Variants in RIF1 observed in about 807,000 individuals in gnomAD.
RIF1 encodes telomere-associated protein RIF1.
Under a neutral mutation model 247.1 loss-of-function variants are expected in RIF1, and 45 were observed. The ratio of observed to expected loss-of-function variants is 0.18; its 90% CI spans 0.14 to 0.23. The LOEUF is 0.23. RIF1 is among the 10% of genes least tolerant of loss of function. The probability of loss-of-function intolerance (pLI) is 1.00; values close to 1 mark genes in which losing one functional copy is unlikely to be tolerated. For synonymous variants in RIF1, 1,087 were observed against 978.8 expected, an observed-to-expected ratio of 1.11 and a Z score of -2.06; for missense variants, 2,967 against 2,862.5, an observed-to-expected ratio of 1.04 and a Z score of -0.83.
intron 10 of RIF1, among the ~76,000 whole-genome samples, chr2:151,498,734 A>G (rs1575088436): frequency 6.6e-6 from 1 of 152,138 alleles, no homozygotes; most frequent in Non-Finnish European, 1.5e-5. Flanking sequence ...TCACATAGGG[A>G]TATTTGGGTT....
chr2:151,507,559 G>A (rs1191649048), intron 13 of RIF1, among the ~76,000 whole-genome samples: 2 of 152,158 alleles, frequency 1.3e-5, no homozygotes, highest in African/African-American at 2.4e-5. Flanking sequence ...AACAGCCATC[G>A]CTAAATCCCC....
chr2:151,443,738 G>A lies in RIF1; in HGVS notation c.1986+29G>A, dbSNP rs938182811. The A allele has an allele frequency of 1.2e-5, 16 of 1,382,500 alleles. No homozygotes were observed. In the African/African-American group the frequency reaches 1.5e-4, roughly 13 times the overall value. The allele number at this position is 1,382,500 out of a possible 1,614,324, so 85.6% of individuals were successfully genotyped here. ...TGAAATAAATCTGCTACGTATTTTG[G>A]ATAATAGACCTTTTTTTTTTGTTAG... On this transcript the variant is annotated intron_variant, in intron 18 of 35. Transcript: ENST00000444746.
At position 151,496,969 on chromosome 2, in the gene RIF1, ACTCT is replaced by A. The variant is rs752582527; in HGVS notation, c.*513+1647_*513+1650del. On this transcript the variant is annotated intron_variant and NMD_transcript_variant, in intron 10 of 13. Transcript: ENST00000454583. ...GCTAATATTTTCTTGATTGTGTTTG[ACTCT>A]CTCCATCTCAGGAGTGACAGGTAGA... 1 of 1,579,848 alleles carries A rather than the reference ACTCT, an allele frequency of 6.3e-7. No homozygotes were observed. The highest frequency in any genetic ancestry group is 8.6e-7 in the Non-Finnish European group (1 of 1,160,712).
chr2:151,415,105 T>C (rs1174985914), intron 4 of RIF1, among the ~76,000 whole-genome samples, 186 bp downstream of exon 4: 1 of 151,910 alleles, frequency 6.6e-6, no homozygotes, highest in African/African-American at 2.4e-5. Flanking sequence ...CCTAGCACTT[T>C]GGGAGGCCGA....
intron 3 of RIF1, among the ~76,000 whole-genome samples, chr2:151,412,032 AC>A: frequency 6.6e-6 from 1 of 152,354 alleles, no homozygotes; most frequent in East Asian, 1.9e-4. Context: ...TTCTAAAATT[AC>A]AATTGTCTTT....
chr2:151,506,826 A>G (rs746598121), intron 13 of RIF1: 65 of 890,510 alleles, frequency 7.3e-5, no homozygotes, highest in Non-Finnish European at 1.1e-4. Flanking sequence ...AATTGTGTGT[A>G]TCAATATAAG....
rs2070625590 is a variant in RIF1 at position 151,507,909 on chromosome 2, A to G, written c.*1208A>G. The G allele has an allele frequency of 4.8e-6, 4 of 826,436 alleles. No homozygotes were observed. In the Admixed American group the frequency reaches 8.2e-5, roughly 17 times the overall value. The allele number at this position is 826,436 out of a possible 1,614,324, so 51.2% of individuals were successfully genotyped here. A position where few individuals can be genotyped will look rare whatever the true frequency, so the allele number is the denominator to read the frequency against. On this transcript the variant is annotated 3_prime_UTR_variant and NMD_transcript_variant, in exon 14 of 14. Transcript: ENST00000454583. ...CAGGATGGGAGTTGTGGAGGGCTGCACAACAGCCCCACTGCAAGCCTGGGA... is the reference window on the plus strand; with the variant it reads ...CAGGATGGGAGTTGTGGAGGGCTGCGCAACAGCCCCACTGCAAGCCTGGGA...
At chr2:151,442,812 C>T (rs1193891227) in intron 16 of RIF1, among the ~76,000 whole-genome samples, 4 of 128,148 alleles carry the variant, frequency 3.1e-5, no homozygotes, top group Non-Finnish European at 6.2e-5. Flanking sequence ...CAGGCTGTTG[C>T]GCAGTCTGGA....
In RIF1 at chr2:151,491,750, A is replaced by G. The variant is rs781270392; in HGVS notation, c.*416-3479A>G. On this transcript the variant is annotated intron_variant and NMD_transcript_variant, in intron 9 of 13. Transcript: ENST00000454583. ...CTGGATCATAGTCAAAAACCGAACC[A>G]GGATTAGTACGCCAGACACGTAAAC... 3.1e-6 allele frequency: 5 copies of G among 1,594,532 alleles called. No homozygotes were observed. Among genetic ancestry groups the G allele is most frequent in the Admixed American group, 1.7e-5 (1 of 57,368 alleles).
chr2:151,519,170 G>A, the RIF1 span: 3 of 792,856 alleles, frequency 3.8e-6, no homozygotes, highest in Non-Finnish European at 6.5e-6. Flanking sequence ...AAATGCTGGA[G>A]ATGGTGATGA....
In RIF1 at chr2:151,462,887, G is replaced by C; in HGVS notation, c.3367G>C (p.Glu1123Gln). 1 of 1,590,304 alleles carries C rather than the reference G, an allele frequency of 6.3e-7. No individual in the cohort carries two copies. The highest frequency in any genetic ancestry group is 8.6e-7 in the Non-Finnish European group (1 of 1,169,006). Residue 1123 changes from glutamate to glutamine, a missense_variant, in exon 30 of 36, where the codon GAG becomes CAG. Around this residue, in one of 7 missense-constraint regions of RIF1, gnomAD observed 2,028 missense variants for 1,825.6 expected, o/e 1.11. Transcript: ENST00000444746. Reference protein sequence around the residue: ...KEDSKMMITEEQMDSDIVIPQ... With the variant: ...KEDSKMMITEQQMDSDIVIPQ... ...ATATGTATATATTTCTGTGCAGGAG[G>C]AGCAAATGGACAGTGACATTGTCAT...
chr2:151,435,116 T>C (rs1481764614), intron 10 of RIF1, among the ~76,000 whole-genome samples: 1 of 152,190 alleles, frequency 6.6e-6, no homozygotes, highest in Non-Finnish European at 1.5e-5. Flanking sequence ...ATTGGAATAA[T>C]TTATTTGGTA....
Position 151,446,444 on chromosome 2 carries a change from C to T in RIF1, c.2113C>T (p.Leu705Phe), listed in dbSNP as rs1264532898. Residue 705 changes from leucine (L) to phenylalanine (F), a missense_variant, in exon 20 of 36, where the codon CTT becomes TTT. Leu to Phe is a conservative substitution (Grantham distance 22). This residue lies in a region of RIF1 where 76 missense variants were observed against 113.3 expected (regional missense o/e 0.67). Coordinates refer to ENST00000444746, the MANE Select transcript of RIF1 (RefSeq NM_018151.5). ...RFPVATMKTLLRTWSELYRAF... is the reference protein window; with the variant it reads ...RFPVATMKTLFRTWSELYRAF... Reference sequence around the variant, plus strand: ...TTGGTAGGCCACCATGAAGACTTTGCTTAGAACTTGGTCAGAATTATATAG... The same window carrying T: ...TTGGTAGGCCACCATGAAGACTTTGTTTAGAACTTGGTCAGAATTATATAG... 2 of 1,614,042 alleles carry T rather than the reference C, an allele frequency of 1.2e-6. No individual in the cohort carries two copies. Among genetic ancestry groups the T allele is most frequent in the East Asian group, 4.5e-5 (2 of 44,876 alleles).
At chr2:151,459,958 A>G (rs375802933) in intron 25 of RIF1, 42 bp from the exon 26 acceptor site, 1 of 1,439,890 alleles carries the variant, frequency 6.9e-7, no homozygotes, top group Non-Finnish European at 9.4e-7. Context: ...GCAAAATATT[A>G]CCGTTCTATT....
rs2048877997 is a variant in RIF1 at position 151,475,356 on chromosome 2, A to G, written c.*285A>G. ...GAAAGCAAAACTAGTAACAGAACTT[A>G]CATTTTATTTCATGCTTTCTTAAAC... is the stretch of plus-strand genomic sequence containing the variant. On this transcript the variant is annotated 3_prime_UTR_variant, in exon 36 of 36. Coordinates refer to ENST00000444746, the MANE Select transcript of RIF1 (RefSeq NM_018151.5). 5.7e-6 allele frequency: 2 copies of G among 351,272 alleles called. No homozygotes were observed. The highest frequency in any genetic ancestry group is 8.4e-4 in the Middle Eastern group (1 of 1,196). 21.8% of individuals were successfully genotyped at this position (351,272 alleles called of 1,614,324 possible). A position where few individuals can be genotyped will look rare whatever the true frequency, so the allele number is the denominator to read the frequency against.
At position 151,492,432 on chromosome 2, in the gene RIF1, G is replaced by T. The variant is rs1231234319; in HGVS notation, c.*416-2797G>T. 6.2e-7 allele frequency: 1 copy of T among 1,612,380 alleles called. No individual in the cohort carries two copies. Among genetic ancestry groups the T allele is most frequent in the East Asian group, 2.2e-5 (1 of 44,850 alleles). ...TCTCCCTCACCCGTCTCATCTCGGGGGTATCCAATACATAGGCAGCTTTGC... is the reference window on the plus strand; with the variant it reads ...TCTCCCTCACCCGTCTCATCTCGGGTGTATCCAATACATAGGCAGCTTTGC... On this transcript the variant is annotated intron_variant and NMD_transcript_variant, in intron 9 of 13. Coordinates refer to the RIF1 transcript ENST00000454583.
the RIF1 span, chr2:151,525,355 G>A: frequency 9.8e-7 from 1 of 1,018,862 alleles, no homozygotes; most frequent in Non-Finnish European, 1.5e-6. Context: ...GAAATCTCCA[G>A]GAAAATCCAT....
chr2:151,467,856 G>A (rs1379795612), intron 30 of RIF1, 144 bp from the exon 31 acceptor site: 12 of 646,274 alleles, frequency 1.9e-5, no homozygotes, highest in Admixed American at 6.1e-5. Context: ...GAAGGCAGTC[G>A]CTAGGAACTG....
At chr2:151,485,719 G>A, downstream of RIF1, 2 of 1,559,054 alleles carry the variant, frequency 1.3e-6, no homozygotes, top group Non-Finnish European at 1.7e-6. Context: ...TTGACTGCAG[G>A]ATCTGTAAGT....
Sources: gnomAD v4.1 joint callset for allele counts (sites outside exome capture counted in the v4.1 genomes callset) on GRCh38, gnomAD v4.1.1 for gene constraint, gnomAD v4.1.1 regional missense constraint, MANE v1.5 for transcripts, NCBI Gene and HGNC (gene_info 2026-07-23, HGNC 2026-07-21) for gene names.